The following NOX5 variants were observed in gnomAD, a reference collection of about 807,000 sequenced individuals.
The protein encoded by NOX5 is NADPH oxidase, EF-hand calcium binding domain 5.
In NOX5, 76 loss-of-function variants were observed where a neutral mutation model predicts 85.7. The ratio of observed to expected loss-of-function variants is 0.89; its 90% CI spans 0.74 to 1.07. The LOEUF (loss-of-function observed/expected upper bound fraction) is 1.07. NOX5 is among the 50% of genes least tolerant of loss of function. The probability of loss-of-function intolerance (pLI) is 0.00; values close to 1 mark genes in which losing one functional copy is unlikely to be tolerated. For missense variants in NOX5, 973 were observed against 999.5 expected, an observed-to-expected ratio of 0.97 and a Z score of 0.36; for synonymous variants, 405 against 401.4, an observed-to-expected ratio of 1.01 and a Z score of -0.11.
chr15:69,054,288 C>T (rs1299597063), intron 14 of NOX5, among the ~76,000 whole-genome samples: 1 of 152,190 alleles, frequency 6.6e-6, no homozygotes, highest in Non-Finnish European at 1.5e-5. Flanking sequence ...AGTGCTGAAA[C>T]ATCAGTATCC....
Position 69,047,550 on chromosome 15 carries a change from T to C in NOX5, c.1817+13T>C. On this transcript the variant is annotated intron_variant, in intron 12 of 15. Transcript: ENST00000388866. ...GTATCATGTACAGGTGGGTGAACAGTGTGCTCCTGCCTGCATCCTGGGTCA... is the reference window on the plus strand; with the variant it reads ...GTATCATGTACAGGTGGGTGAACAGCGTGCTCCTGCCTGCATCCTGGGTCA... The C allele has an allele frequency of 1.2e-6, 2 of 1,611,692 alleles. No individual in the cohort carries two copies. Among genetic ancestry groups the C allele is most frequent in the Non-Finnish European group, 1.7e-6 (2 of 1,178,866 alleles).
Position 69,025,067 on chromosome 15 carries a change from G to A in NOX5, c.51-1461G>A, listed in dbSNP as rs421940. Among the ~76,000 whole-genome samples, 1,095 of 152,220 alleles carry A rather than the reference G, an allele frequency of 7.2e-3. 19 individuals are homozygous for A. The highest frequency in any genetic ancestry group is 0.023 in the African/African-American group (973 of 41,490). ...AAGTCACTGCAAACGCTGAATTAGC[G>A]AATTCAGAACCATTGTTCTTAGAAG... On this transcript the variant is annotated intron_variant, in intron 1 of 15. Coordinates refer to ENST00000388866, the MANE Select transcript of NOX5 (RefSeq NM_024505.4).
At chr15:69,030,634 C>T (rs1211095764) in intron 3 of NOX5, 1 of 152,180 alleles carries the variant, frequency 6.6e-6, no homozygotes, top group East Asian at 1.9e-4. Flanking sequence ...ACTAGGAAAG[C>T]AGAACAGGCG....
At chr15:69,014,995 A>G (rs2050214289) in intron 1 of NOX5, among the ~76,000 whole-genome samples, 1 of 152,190 alleles carries the variant, frequency 6.6e-6, no homozygotes, top group Non-Finnish European at 1.5e-5. Context: ...TGTAAAATAA[A>G]GAACTGGCCA....
At position 69,028,340 on chromosome 15, in the gene NOX5, C is replaced by T. The variant is rs1204113029; in HGVS notation, c.300C>T (p.Phe100=). The T allele has an allele frequency of 1.9e-6, 3 of 1,610,364 alleles. No homozygotes were observed. The South Asian group carries it at 3.3e-5, about 18-fold the overall frequency. Residue 100 remains phenylalanine, a synonymous_variant, in exon 3 of 16, where the codon TTC becomes TTT. Coordinates refer to ENST00000388866, the MANE Select transcript of NOX5 (RefSeq NM_024505.4). ...IHGSPMDKLK[F]LFQVYDIDVC... The stretch of plus-strand genomic sequence containing the variant: ...GCAGCCCCATGGACAAACTCAAATT[C>T]CTCTTCCAGGTGTATGACATCGATG...
intron 3 of NOX5, chr15:69,028,593 G>A (rs1194190809): frequency 2.7e-6 from 1 of 372,306 alleles, no homozygotes; most frequent in Non-Finnish European, 4.8e-6. Context: ...AGGGAGAAAA[G>A]GAGGGACTCT....
intron 14 of NOX5, among the ~76,000 whole-genome samples, chr15:69,050,890 T>G (rs2050740434): frequency 6.6e-6 from 1 of 152,218 alleles, no homozygotes; most frequent in Non-Finnish European, 1.5e-5. Context: ...CGGCAAAGCC[T>G]CTTCGCTTTT....
At chr15:69,052,287 CTAAG>C (rs1300339509) in intron 14 of NOX5, among the ~76,000 whole-genome samples, 3 of 151,958 alleles carry the variant, frequency 2.0e-5, no homozygotes, top group East Asian at 1.9e-4. Flanking sequence ...TCCTCACTGC[CTAAG>C]TGTTTGCTGT....
At chr15:69,031,991 G>T (rs35590308) in intron 4 of NOX5, among the ~76,000 whole-genome samples, 179 bp downstream of exon 4, 5,082 of 151,538 alleles carry the variant, frequency 0.034, 235 homozygotes, top group East Asian at 0.18. Flanking sequence ...TCCACTTCCT[G>T]CAGTGTCTCT....
chr15:69,051,894 T>C (rs1236789998), intron 14 of NOX5, among the ~76,000 whole-genome samples: 2 of 152,080 alleles, frequency 1.3e-5, no homozygotes, highest in East Asian at 3.9e-4. Flanking sequence ...AGTCATTAAC[T>C]GTTTGGTCCC....
chr15:69,056,932 T>C lies in NOX5; in HGVS notation c.*236T>C, dbSNP rs1351983181. 2 of 377,488 alleles carry C rather than the reference T, an allele frequency of 5.3e-6. No homozygotes were observed. Among genetic ancestry groups the C allele is most frequent in the Non-Finnish European group, 9.2e-6 (2 of 217,240 alleles). 23.4% of individuals were successfully genotyped at this position (377,488 alleles called of 1,614,324 possible). A position where few individuals can be genotyped will look rare whatever the true frequency, so the allele number is the denominator to read the frequency against. On this transcript the variant is annotated 3_prime_UTR_variant, in exon 16 of 16. Transcript: ENST00000388866. ...AGTCTGCTGTAGATTCTGGGGTTTC[T>C]GTGAAAGTGAGGGAACCAGAGGCTG...
rs758110428 is a variant in NOX5 at position 69,035,795 on chromosome 15, C to G, written c.1047C>G (p.Phe349Leu). The change falls in exon 7 of 16, where the codon TTC becomes TTG. Residue 349 changes from phenylalanine (F) to leucine (L), a missense_variant. Phe to Leu is a conservative substitution (Grantham distance 22). Transcript: ENST00000388866. ...QAQAEASPFQFWELLLTTRPG... is the reference protein window; with the variant it reads ...QAQAEASPFQLWELLLTTRPG... ...AGGCGGAGGCCAGCCCTTTCCAGTT[C>G]TGGGAGCTGCTGCTCACCACGAGGC... The G allele has an allele frequency of 2.5e-6, 4 of 1,614,198 alleles. No homozygotes were observed. The highest frequency in any genetic ancestry group is 3.3e-5 in the Admixed American group (2 of 60,026).
chr15:69,028,149 T>C, intron 2 of NOX5, 66 bp from the exon 3 acceptor site: 1 of 1,502,966 alleles, frequency 6.7e-7, no homozygotes, highest in Non-Finnish European at 8.9e-7. Context: ...AGGGAGACAG[T>C]GAACAAATTC....
chr15:69,042,561 G>A, intron 9 of NOX5, 102 bp from the exon 10 acceptor site: 2 of 1,314,408 alleles, frequency 1.5e-6, no homozygotes, highest in African/African-American at 2.9e-5. Context: ...CCAGGACTTG[G>A]AGGGCTGAGG....
intron 4 of NOX5, among the ~76,000 whole-genome samples, chr15:69,032,409 C>CTTT (rs1210362821): frequency 2.1e-5 from 3 of 142,734 alleles, no homozygotes; most frequent in East Asian, 2.0e-4. Context: ...TGTGTATTAA[C>CTTT]TTTTTTTTTT....
At chr15:69,035,313 C>G (rs1555436187) in intron 5 of NOX5, 41 bp from the exon 6 acceptor site, 1 of 1,601,862 alleles carries the variant, frequency 6.2e-7, no homozygotes, top group Non-Finnish European at 8.5e-7. Flanking sequence ...ACAAGGCAGA[C>G]AGAGAGTGAG....
intron 3 of NOX5, chr15:69,028,619 TG>T (rs1230829423): frequency 9.0e-6 from 3 of 333,822 alleles, no homozygotes; most frequent in African/African-American, 6.3e-5. Flanking sequence ...AGGAGACAAA[TG>T]CCTTCTATTC....
chr15:69,051,903 C>T (rs1188258293), intron 14 of NOX5, among the ~76,000 whole-genome samples: 3 of 151,746 alleles, frequency 2.0e-5, no homozygotes, highest in Non-Finnish European at 4.4e-5. Context: ...CTGTTTGGTC[C>T]CTTCTTTTAT....
rs1567094688 is a variant in NOX5 at position 69,026,637 on chromosome 15, C to T, written c.160C>T (p.Leu54=). 6.2e-7 allele frequency: 1 copy of T among 1,614,156 alleles called. No homozygotes were observed. Among genetic ancestry groups the T allele is most frequent in the Non-Finnish European group, 8.5e-7 (1 of 1,180,018 alleles). Residue 54 remains leucine, a synonymous_variant, in exon 2 of 16, where the codon CTG becomes TTG. Transcript: ENST00000388866. ...EISLQEFKAA[L]HVKESFFAER... ...CAGCCTGCAAGAATTCAAAGCAGCTCTGCATGTGAAAGAGGCAAGTGTTGG... is the reference window on the plus strand; with the variant it reads ...CAGCCTGCAAGAATTCAAAGCAGCTTTGCATGTGAAAGAGGCAAGTGTTGG...
Sources: gnomAD v4.1 joint callset for allele counts (sites outside exome capture counted in the v4.1 genomes callset) on GRCh38, gnomAD v4.1.1 for gene constraint, MANE v1.5 for transcripts, NCBI Gene and HGNC (gene_info 2026-07-23, HGNC 2026-07-21) for gene names.